NRG3: variants seen among roughly 807,000 people sequenced by gnomAD.
NRG3 encodes the protein neuregulin 3.
A neutral mutation model predicts 66.9 loss-of-function variants in NRG3; 31 were observed. The ratio of observed to expected loss-of-function variants is 0.46; its 90% CI spans 0.35 to 0.63. NRG3 has a LOEUF of 0.63. Ranked by LOEUF, NRG3 falls within the 20% of genes least tolerant of loss-of-function variation. NRG3 has a pLI of 0.00. For missense variants in NRG3, 910 were observed against 878.9 expected, an observed-to-expected ratio of 1.04 and a Z score of -0.45; for synonymous variants, 393 against 359.4, an observed-to-expected ratio of 1.09 and a Z score of -1.06.
chr10:82,029,036 C>A (rs1244206396), intron 1 of NRG3, among the ~76,000 whole-genome samples: 1 of 151,890 alleles, frequency 6.6e-6, no homozygotes, highest in Non-Finnish European at 1.5e-5. Context: ...TGGTAAAACC[C>A]CGTTTTTACT....
At chr10:82,748,483 G>C (rs1294207110) in intron 3 of NRG3, among the ~76,000 whole-genome samples, 2 of 150,980 alleles carry the variant, frequency 1.3e-5, no homozygotes, top group African/African-American at 4.9e-5. Context: ...TAACTACATA[G>C]GCTTAAAAAA....
intron 1 of NRG3, among the ~76,000 whole-genome samples, chr10:82,234,853 C>T (rs532953515): frequency 3.9e-5 from 6 of 152,306 alleles, no homozygotes; most frequent in Non-Finnish European, 8.8e-5. Context: ...TGGTTGTGAC[C>T]ATGCTATGCA....
At chr10:82,610,357 T>C (rs566079588) in intron 2 of NRG3, among the ~76,000 whole-genome samples, 21 of 152,102 alleles carry the variant, frequency 1.4e-4, no homozygotes, top group Non-Finnish European at 2.6e-4. Context: ...AGTGTGGACC[T>C]CTTCAGGGGA....
chr10:82,854,065 C>T (rs1340778652), intron 3 of NRG3, among the ~76,000 whole-genome samples: 1 of 152,168 alleles, frequency 6.6e-6, no homozygotes, highest in Non-Finnish European at 1.5e-5. Flanking sequence ...ATTCAATAAG[C>T]ATTCACTTGC....
chr10:81,897,183 A>G (rs896197396), intron 1 of NRG3, among the ~76,000 whole-genome samples: 54 of 152,316 alleles, frequency 3.5e-4, no homozygotes, highest in African/African-American at 1.3e-3. Flanking sequence ...CCTGAGCATA[A>G]TAAACATGCT....
intron 2 of NRG3, among the ~76,000 whole-genome samples, chr10:82,589,958 A>T (rs1403062228): frequency 2.0e-5 from 3 of 152,212 alleles, no homozygotes; most frequent in South Asian, 2.1e-4. Flanking sequence ...ACCCAGATGT[A>T]GTTATAGAAC....
At chr10:82,198,657 A>G (rs1020527165) in intron 1 of NRG3, among the ~76,000 whole-genome samples, 39 of 152,140 alleles carry the variant, frequency 2.6e-4, no homozygotes, top group Non-Finnish European at 5.0e-4. Context: ...CTTCAAATTC[A>G]TAAAACATCA....
intron 2 of NRG3, among the ~76,000 whole-genome samples, chr10:82,575,478 G>A (rs2045974098): frequency 1.3e-5 from 2 of 151,720 alleles, no homozygotes. Context: ...CACATGGTGA[G>A]GTGCCAATTT....
intron 4 of NRG3, among the ~76,000 whole-genome samples, chr10:82,894,076 G>T (rs1278989881): frequency 6.6e-6 from 1 of 152,130 alleles, no homozygotes; most frequent in Non-Finnish European, 1.5e-5. Flanking sequence ...CTCTTTCAGA[G>T]AATTGCAAAG....
rs530594606 is a variant in NRG3, at chr10:82,408,964, T to C, written c.953+50096T>C. 2.6e-5 allele frequency among the ~76,000 whole-genome samples: 4 copies of C among 152,318 alleles called. No homozygotes were observed. In the East Asian group the frequency reaches 5.8e-4, roughly 22 times the overall value. On this transcript the variant is annotated intron_variant, in intron 2 of 8. Transcript: ENST00000372141. ...ATAAGTGACTATATATAATGCCATATATCAGCATTATGCTTAGACTGGCAC... is the reference window on the plus strand; with the variant it reads ...ATAAGTGACTATATATAATGCCATACATCAGCATTATGCTTAGACTGGCAC...
intron 1 of NRG3, among the ~76,000 whole-genome samples, chr10:82,018,078 G>T (rs1044685101): frequency 1.7e-4 from 26 of 152,076 alleles, no homozygotes; most frequent in South Asian, 8.3e-4. Flanking sequence ...GTCTAATGTT[G>T]AAGTCTTTAA....
intron 4 of NRG3, among the ~76,000 whole-genome samples, chr10:82,882,061 T>C (rs1464296356): frequency 6.6e-6 from 1 of 152,164 alleles, no homozygotes; most frequent in African/African-American, 2.4e-5. Flanking sequence ...CAGAAGCACG[T>C]TCTCTTCTTT....
At chr10:82,123,392 T>A (rs959076439) in intron 1 of NRG3, among the ~76,000 whole-genome samples, 2 of 152,088 alleles carry the variant, frequency 1.3e-5, no homozygotes, top group South Asian at 2.1e-4. Flanking sequence ...CAGCCTTGAG[T>A]TTCGTGCTTT....
chr10:82,379,153 A>G (rs1228820381), intron 2 of NRG3, among the ~76,000 whole-genome samples: 1 of 152,082 alleles, frequency 6.6e-6, no homozygotes, highest in African/African-American at 2.4e-5. Context: ...GACCTAAGAA[A>G]TGGTTTGGTA....
intron 1 of NRG3, among the ~76,000 whole-genome samples, chr10:81,962,652 G>C (rs2059563553): frequency 6.6e-6 from 1 of 152,202 alleles, no homozygotes; most frequent in Non-Finnish European, 1.5e-5. Flanking sequence ...CTTTGCTCAT[G>C]AGTTTGCAGG....
At chr10:81,914,554 G>C (rs190863631) in intron 1 of NRG3, among the ~76,000 whole-genome samples, 1 of 151,370 alleles carries the variant, frequency 6.6e-6, no homozygotes, top group Admixed American at 6.6e-5. Flanking sequence ...GCAACATTGC[G>C]AGACCCTGTT....
intron 1 of NRG3, among the ~76,000 whole-genome samples, chr10:82,115,789 G>T (rs781604227): frequency 6.6e-5 from 10 of 152,118 alleles, no homozygotes; most frequent in Non-Finnish European, 1.3e-4. Context: ...ATCTAGCCTA[G>T]TGGACTAGCA....
At chr10:82,170,802 T>G (rs1230837834) in intron 1 of NRG3, among the ~76,000 whole-genome samples, 1 of 149,928 alleles carries the variant, frequency 6.7e-6, no homozygotes, top group Non-Finnish European at 1.5e-5. Context: ...AGCCTTCAGT[T>G]TTGATAGTAT....
chr10:82,310,045 T>C (rs1055113133), intron 1 of NRG3, among the ~76,000 whole-genome samples: 5 of 152,162 alleles, frequency 3.3e-5, no homozygotes, highest in Non-Finnish European at 7.4e-5. Flanking sequence ...CTCCATTATG[T>C]CTCCTGGAAA....
Sources: gnomAD v4.1 joint callset for allele counts (sites outside exome capture counted in the v4.1 genomes callset) on GRCh38, gnomAD v4.1.1 for gene constraint, MANE v1.5 for transcripts, NCBI Gene and HGNC (gene_info 2026-07-23, HGNC 2026-07-21) for gene names.